Variants in GABRA2 observed in about 807,000 individuals in gnomAD.
GABRA2 encodes the protein gamma-aminobutyric acid receptor subunit alpha-2.
In GABRA2, 16 loss-of-function variants were observed where a neutral mutation model predicts 48.7. That is an observed-to-expected ratio of 0.33 (90% CI 0.22 to 0.50). The LOEUF (loss-of-function observed/expected upper bound fraction) is 0.50, where lower values mean the gene tolerates loss of function less well. GABRA2 is among the 20% of genes least tolerant of loss of function. The pLI is 0.98. For missense variants in GABRA2, 275 were observed against 535.6 expected (o/e 0.51, Z 4.80); for synonymous variants, 185 against 184.5 (o/e 1.00, Z -0.02).
At chr4:46,378,011 G>A (rs1342882851) in intron 3 of GABRA2, among the ~76,000 whole-genome samples, 37 of 149,412 alleles carry the variant, frequency 2.5e-4, no homozygotes, top group Non-Finnish European at 4.6e-4. Context: ...CGCCCGGCCA[G>A]CCGCCCCGTC....
rs560650833 is a variant in GABRA2, at chr4:46,368,206, C to T, written c.187+17868G>A. ...TAAAACTGGATAGTTATTACTGAAA[C>T]ATAAGCCAGTTAATTCTGACTAATC... On this transcript the variant is annotated intron_variant, in intron 3 of 9. Coordinates refer to ENST00000381620, the MANE Select transcript of GABRA2 (RefSeq NM_000807.4). 3 of 152,176 alleles carry T rather than the reference C, an allele frequency of 2.0e-5. No individual in the cohort carries two copies. In the South Asian group the frequency reaches 6.2e-4, roughly 32 times the overall value. 9.4% of individuals were successfully genotyped at this position (152,176 alleles called of 1,614,324 possible).
chr4:46,248,024 C>T lies in GABRA2; in HGVS notation c.*2284G>A, dbSNP rs1218327501. ...AACAGTGATAAGTTTTCTGGTCAAT[C>T]TGCCATAAATGCTAATAATACTGGT... On this transcript the variant is annotated 3_prime_UTR_variant, in exon 10 of 10. Coordinates refer to ENST00000381620, the MANE Select transcript of GABRA2 (RefSeq NM_000807.4). Among the ~76,000 whole-genome samples the T allele has an allele frequency of 6.6e-6, 1 of 151,288 alleles. No individual in the cohort carries two copies. The highest frequency in any genetic ancestry group is 1.5e-5 in the Non-Finnish European group (1 of 67,534).
chr4:46,258,139 TGAA>T (rs1437121665), intron 9 of GABRA2, among the ~76,000 whole-genome samples: 1 of 151,714 alleles, frequency 6.6e-6, no homozygotes, highest in Non-Finnish European at 1.5e-5. Context: ...AATAGTGAAA[TGAA>T]GGCATGGGTT....
At chr4:46,287,904 G>A (rs114031699) in intron 8 of GABRA2, among the ~76,000 whole-genome samples, 1,601 of 152,260 alleles carry the variant, frequency 0.011, 15 homozygotes, top group Middle Eastern at 0.017. Context: ...TGGACTTACA[G>A]TTCCACTTGG....
chr4:46,301,567 A>G (rs1725737205), intron 8 of GABRA2, among the ~76,000 whole-genome samples: 1 of 152,106 alleles, frequency 6.6e-6, no homozygotes, highest in Non-Finnish European at 1.5e-5. Context: ...TTCATCCCTT[A>G]ATGTCACTGC....
chr4:46,351,902 C>T (rs1399839050), intron 3 of GABRA2, among the ~76,000 whole-genome samples: 1 of 151,636 alleles, frequency 6.6e-6, no homozygotes, highest in Admixed American at 6.6e-5. Context: ...CAGTTGTCAC[C>T]ATATCTTCTT....
At chr4:46,294,130 C>T (rs540567959) in intron 8 of GABRA2, among the ~76,000 whole-genome samples, 2 of 152,208 alleles carry the variant, frequency 1.3e-5, no homozygotes, top group Admixed American at 1.3e-4. Flanking sequence ...TATCAACTCT[C>T]TGGCTATGTG....
At chr4:46,352,046 C>T (rs1012291118) in intron 3 of GABRA2, among the ~76,000 whole-genome samples, 14 of 151,882 alleles carry the variant, frequency 9.2e-5, no homozygotes, top group Admixed American at 9.2e-4. Flanking sequence ...TGTTTCAGCT[C>T]TCCAAGCAAT....
chr4:46,318,293 C>T (rs1368015952), intron 4 of GABRA2, among the ~76,000 whole-genome samples: 2 of 150,440 alleles, frequency 1.3e-5, no homozygotes, highest in Non-Finnish European at 3.0e-5. Context: ...CACTTTGGTC[C>T]ATATTTTATA....
chr4:46,273,905 G>A (rs574360509), intron 8 of GABRA2, among the ~76,000 whole-genome samples: 178 of 152,014 alleles, frequency 1.2e-3, no homozygotes, highest in African/African-American at 4.0e-3. Context: ...CGAGTTTAAG[G>A]GCATCTCCCT....
chr4:46,297,646 C>A (rs1649758951), intron 8 of GABRA2, among the ~76,000 whole-genome samples: 1 of 150,888 alleles, frequency 6.6e-6, no homozygotes, highest in Non-Finnish European at 1.5e-5. Context: ...CTCTCTTTTT[C>A]TGAGGTAGTC....
At chr4:46,283,270 T>G (rs948302049) in intron 8 of GABRA2, among the ~76,000 whole-genome samples, 2 of 152,152 alleles carry the variant, frequency 1.3e-5, no homozygotes, top group Non-Finnish European at 2.9e-5. Flanking sequence ...GCAGAAGAAG[T>G]CTTTTACCCT....
At chr4:46,384,624 T>C (rs1030649456) in intron 3 of GABRA2, among the ~76,000 whole-genome samples, 2 of 152,172 alleles carry the variant, frequency 1.3e-5, no homozygotes, top group Admixed American at 6.5e-5. Flanking sequence ...TTTAAAATAA[T>C]ATGATCTATG....
chr4:46,316,058 T>C (rs1466860042), intron 4 of GABRA2, among the ~76,000 whole-genome samples: 5 of 151,936 alleles, frequency 3.3e-5, no homozygotes, highest in Non-Finnish European at 7.4e-5. Flanking sequence ...GCTACTTTGC[T>C]GAGGTTTACT....
intron 4 of GABRA2, among the ~76,000 whole-genome samples, chr4:46,317,518 C>A (rs1728742270): frequency 6.6e-6 from 1 of 151,694 alleles, no homozygotes; most frequent in Admixed American, 6.6e-5. Context: ...GGCACAACAG[C>A]AGGAAATGGG....
At chr4:46,389,357 A>G in intron 1 of GABRA2, 1 of 985,366 alleles carries the variant, frequency 1.0e-6, no homozygotes, top group Non-Finnish European at 1.2e-6. Context: ...GGTTCCGATC[A>G]AGTGCTGCGA....
At chr4:46,355,663 T>G (rs1735838193) in intron 3 of GABRA2, among the ~76,000 whole-genome samples, 1 of 152,164 alleles carries the variant, frequency 6.6e-6, no homozygotes, top group Non-Finnish European at 1.5e-5. Flanking sequence ...CTAAAGATCC[T>G]GCCAAGCACA....
intron 3 of GABRA2, chr4:46,364,347 T>C (rs889743856): frequency 1.3e-5 from 2 of 152,196 alleles, no homozygotes; most frequent in African/African-American, 4.8e-5. Context: ...TTTTAAAAAA[T>C]TAGTAACAGT....
At chr4:46,259,230 A>G (rs1252575258) in intron 9 of GABRA2, among the ~76,000 whole-genome samples, 1 of 151,946 alleles carries the variant, frequency 6.6e-6, no homozygotes, top group African/African-American at 2.4e-5. Context: ...AACACCGGAT[A>G]TGAAAAAGGG....
Sources: gnomAD v4.1 joint callset for allele counts (sites outside exome capture counted in the v4.1 genomes callset) on GRCh38, gnomAD v4.1.1 for gene constraint, MANE v1.5 for transcripts, NCBI Gene and HGNC (gene_info 2026-07-23, HGNC 2026-07-21) for gene names.